The following KIF13B variants were observed in gnomAD, a reference collection of about 807,000 sequenced individuals.
KIF13B encodes kinesin family member 13B.
Under a neutral mutation model 222.0 loss-of-function variants are expected in KIF13B, and 127 were observed. The observed-to-expected ratio is 0.57, with a 90% CI of 0.50 to 0.66. KIF13B has a LOEUF of 0.66. Among genes scored for constraint, KIF13B ranks in the 30% least tolerant of loss-of-function variants. The pLI is 0.00. For missense variants in KIF13B, 2,173 were observed against 2,379.0 expected (o/e 0.91, Z 1.80); for synonymous variants, 976 against 919.0 (o/e 1.06, Z -1.12).
chr8:29,154,691 C>T (rs993966743), intron 14 of KIF13B, among the ~76,000 whole-genome samples: 3 of 152,150 alleles, frequency 2.0e-5, no homozygotes, highest in African/African-American at 7.2e-5. Context: ...CACTTAAACG[C>T]AACGATGACG....
intron 37 of KIF13B, among the ~76,000 whole-genome samples, chr8:29,090,875 G>A (rs1808267954): frequency 1.3e-5 from 2 of 152,036 alleles, no homozygotes; most frequent in African/African-American, 2.4e-5. Flanking sequence ...ATGACTACAG[G>A]AGCACGCCTG....
intron 1 of KIF13B, among the ~76,000 whole-genome samples, chr8:29,258,466 C>A (rs1361860491): frequency 6.6e-6 from 1 of 152,174 alleles, no homozygotes; most frequent in African/African-American, 2.4e-5. Context: ...AAACAGAGTG[C>A]GTGGACCAGC....
intron 10 of KIF13B, among the ~76,000 whole-genome samples, chr8:29,175,862 AGGT>A (rs1563762000): frequency 6.6e-6 from 1 of 152,236 alleles, no homozygotes; most frequent in Admixed American, 6.5e-5. Flanking sequence ...CACTGCATCC[AGGT>A]TCTAGTAAGC....
chr8:29,221,857 G>T (rs1281482509), intron 2 of KIF13B, among the ~76,000 whole-genome samples: 1 of 152,066 alleles, frequency 6.6e-6, no homozygotes, highest in Non-Finnish European at 1.5e-5. Context: ...TTTGGTATTT[G>T]GGTATTTCAT....
In KIF13B at chr8:29,070,576, C is replaced by A. The variant is rs749524015; in HGVS notation, c.5409G>T (p.Ser1803=). The A allele has an allele frequency of 1.0e-5, 16 of 1,604,146 alleles. No individual in the cohort carries two copies. The highest frequency in any genetic ancestry group is 1.4e-5 in the Non-Finnish European group (16 of 1,175,760). The change falls in exon 40 of 40, where the codon TCG becomes TCT. Residue 1803 remains serine, a synonymous_variant. Coordinates refer to ENST00000524189, the MANE Select transcript of KIF13B (RefSeq NM_015254.4). The surrounding 1 kb of genome is among the most constrained non-coding windows in gnomAD (Gnocchi z 4.1). ...TLSGSATNLA[S]LTAALAKADR... ...CGGCCTTGGCCAGGGCAGCTGTCAG[C>A]GAGGCCAGGTTGGTGGCGGAGCCCG...
At chr8:29,133,904 T>C (rs1399511528) in intron 22 of KIF13B, 136 bp downstream of exon 22, 8 of 813,116 alleles carry the variant, frequency 9.8e-6, no homozygotes, top group Non-Finnish European at 1.5e-5. Context: ...TGACACTTTT[T>C]ACTCAATCCC....
chr8:29,180,727 A>C (rs1812676576), intron 7 of KIF13B, among the ~76,000 whole-genome samples: 1 of 152,120 alleles, frequency 6.6e-6, no homozygotes, highest in Admixed American at 6.5e-5. Flanking sequence ...CAAGAGACTA[A>C]TTTTCTGCAT....
chr8:29,216,414 T>C (rs2130501672), intron 2 of KIF13B, among the ~76,000 whole-genome samples: 1 of 152,222 alleles, frequency 6.6e-6, no homozygotes, highest in Middle Eastern at 3.4e-3. Context: ...CTGGCCAACA[T>C]GGTGAAACCC....
chr8:29,077,664 G>C (rs78712127), intron 37 of KIF13B, among the ~76,000 whole-genome samples: 5,063 of 152,252 alleles, frequency 0.033, 294 homozygotes, highest in African/African-American at 0.12. Context: ...CTCTGAAATA[G>C]AACATGCAAA....
intron 18 of KIF13B, among the ~76,000 whole-genome samples, chr8:29,145,432 A>G (rs1299238107): frequency 6.6e-6 from 1 of 152,164 alleles, no homozygotes; most frequent in Admixed American, 6.6e-5. Flanking sequence ...GGAGTTTGAG[A>G]CCAGCCTGGC....
intron 37 of KIF13B, among the ~76,000 whole-genome samples, chr8:29,085,712 T>C (rs1007012599): frequency 7.4e-6 from 1 of 135,790 alleles, no homozygotes; most frequent in African/African-American, 2.9e-5. Flanking sequence ...CTTCTTTTTT[T>C]TTTTTTTTTT....
chr8:29,146,049 A>G, intron 18 of KIF13B: 1 of 535,260 alleles, frequency 1.9e-6, no homozygotes. Context: ...GAGTGGTAGC[A>G]TAAGGAAGGA....
intron 28 of KIF13B, 133 bp from the exon 29 acceptor site, chr8:29,122,779 TAATCCAG>T: frequency 2.9e-6 from 2 of 692,326 alleles, no homozygotes; most frequent in South Asian, 1.8e-5. Flanking sequence ...GATTTTACTC[TAATCCAG>T]AATCAGAGAG....
At chr8:29,132,063 A>G (rs796768643) in intron 23 of KIF13B, among the ~76,000 whole-genome samples, 16 of 152,272 alleles carry the variant, frequency 1.1e-4, no homozygotes, top group African/African-American at 3.6e-4. Context: ...CCTGGCCAAT[A>G]TGGTGAAACC....
chr8:29,197,061 G>T (rs1188752441), intron 2 of KIF13B, among the ~76,000 whole-genome samples: 1 of 152,030 alleles, frequency 6.6e-6, no homozygotes, highest in Non-Finnish European at 1.5e-5. Context: ...AATATGGCCG[G>T]GCGCGGTGGC....
intron 35 of KIF13B, among the ~76,000 whole-genome samples, chr8:29,100,583 A>G (rs1808741960): frequency 6.6e-6 from 1 of 152,030 alleles, no homozygotes; most frequent in Non-Finnish European, 1.5e-5. Context: ...AGTTCGGATT[A>G]CAGGCATGCG....
At chr8:29,218,265 T>C (rs1400395025) in intron 2 of KIF13B, among the ~76,000 whole-genome samples, 1 of 152,158 alleles carries the variant, frequency 6.6e-6, no homozygotes, top group Admixed American at 6.5e-5. Flanking sequence ...AGGCATTCAG[T>C]GAATGTTTAT....
chr8:29,067,426 A>T lies in KIF13B; in HGVS notation c.*3078T>A, dbSNP rs1321511723. ...AGTCATTAGAGTCTTTGGATTTTTT[A>T]AACTCCCATTTACTGTGTACCAAAT... On this transcript the variant is annotated 3_prime_UTR_variant, in exon 40 of 40. Coordinates refer to ENST00000524189, the MANE Select transcript of KIF13B (RefSeq NM_015254.4). 1 of 152,582 alleles carries T rather than the reference A, an allele frequency of 6.6e-6. No homozygotes were observed. The highest frequency in any genetic ancestry group is 2.4e-5 in the African/African-American group (1 of 41,450). The allele number at this position is 152,582 out of a possible 1,614,324, so 9.5% of individuals were successfully genotyped here.
intron 3 of KIF13B, 81 bp from the exon 4 acceptor site, chr8:29,191,138 A>G: frequency 1.9e-6 from 2 of 1,069,084 alleles, no homozygotes; most frequent in South Asian, 3.3e-5. Flanking sequence ...TGTTCATAAT[A>G]GTGAAATAAA....
Sources: allele counts gnomAD v4.1 joint callset (sites outside exome capture counted in the v4.1 genomes callset), GRCh38; gene constraint gnomAD v4.1.1; non-coding constraint Gnocchi (gnomAD v3.1); transcripts MANE v1.5; gene names NCBI Gene and HGNC (gene_info 2026-07-23, HGNC 2026-07-21).